Variants in PALMD observed in about 807,000 individuals in gnomAD.
PALMD encodes the protein palmdelphin, also known as paralemmin-like protein.
In PALMD, 42 loss-of-function variants were observed where a neutral mutation model predicts 56.2. The observed-to-expected ratio is 0.75, with a 90% confidence interval of 0.58 to 0.97. The LOEUF (loss-of-function observed/expected upper bound fraction) is 0.97, where lower values mean the gene tolerates loss of function less well. PALMD is among the 50% of genes least tolerant of loss of function. PALMD has a pLI of 0.00. For synonymous variants in PALMD, 242 were observed against 222.9 expected, an observed-to-expected ratio of 1.09 and a Z score of -0.76; for missense variants, 660 against 643.8, an observed-to-expected ratio of 1.03 and a Z score of -0.27.
chr1:99,670,159 T>C (rs1413807994), intron 3 of PALMD, among the ~76,000 whole-genome samples: 6 of 152,184 alleles, frequency 3.9e-5, no homozygotes, highest in Admixed American at 6.5e-5. Context: ...TCCTTCTATG[T>C]CCCCCTATTC....
At chr1:99,647,998 TA>T (rs890444361) in intron 1 of PALMD, among the ~76,000 whole-genome samples, 1 of 152,196 alleles carries the variant, frequency 6.6e-6, no homozygotes, top group Non-Finnish European at 1.5e-5. Flanking sequence ...AAAATCCTCA[TA>T]ATGTCTTAAA....
chr1:99,686,430 C>G (rs936836533), intron 3 of PALMD: 1 of 266,554 alleles, frequency 3.8e-6, no homozygotes, highest in Non-Finnish European at 7.0e-6. Flanking sequence ...AGGTCAAATG[C>G]TTTACCTAAT....
intron 3 of PALMD, among the ~76,000 whole-genome samples, chr1:99,675,471 T>C (rs771522483): frequency 6.6e-6 from 1 of 152,188 alleles, no homozygotes; most frequent in Non-Finnish European, 1.5e-5. Context: ...CAACAGTAGT[T>C]GATGGTCACT....
Position 99,686,763 on chromosome 1 carries a change from T to G in PALMD, c.339T>G (p.Ile113Met). 1.3e-6 allele frequency: 2 copies of G among 1,598,600 alleles called. No individual in the cohort carries two copies. Among genetic ancestry groups the G allele is most frequent in the African/African-American group, 2.7e-5 (2 of 74,628 alleles). ...EEAILKKLKS[I>M]ERTTEDIIRS... ...CCATTTTAAAGAAACTAAAGTCAAT[T>G]GAGCGGACAACAGAAGACATTATAA... The change falls in exon 4 of 8, where the codon ATT (isoleucine) becomes ATG (methionine). Residue 113 changes from isoleucine (I) to methionine (M), a missense_variant. By Grantham distance (10) the Ile-to-Met change is conservative (BLOSUM62 1). Coordinates refer to ENST00000263174, the MANE Select transcript of PALMD (RefSeq NM_017734.5).
chr1:99,667,663 TG>T lies in PALMD; in HGVS notation c.150del (p.Trp50CysfsTer3). 1 of 1,608,464 alleles carries T rather than the reference TG, an allele frequency of 6.2e-7. No individual in the cohort carries two copies. The highest frequency in any genetic ancestry group is 8.5e-7 in the Non-Finnish European group (1 of 1,175,054). The part of the protein sequence containing the change: ...HLKKKALREK[W>X]LLDGISSGKE... ...TCAGAAAAAGGCCTTGAGGGAGAAA[TG>T]GCTTCTAGATGGAATCAGCAGCGGA... On this transcript the variant is annotated frameshift_variant, in exon 3 of 8. Coordinates refer to ENST00000263174, the MANE Select transcript of PALMD (RefSeq NM_017734.5). LOFTEE classifies it high-confidence loss of function.
intron 1 of PALMD, among the ~76,000 whole-genome samples, chr1:99,655,497 C>T (rs1652701577): frequency 6.6e-6 from 1 of 152,130 alleles, no homozygotes; most frequent in African/African-American, 2.4e-5. Context: ...CACTCTACAA[C>T]TTTGCTAGGG....
At chr1:99,663,452 G>A (rs1331699774) in intron 2 of PALMD, among the ~76,000 whole-genome samples, 1 of 151,984 alleles carries the variant, frequency 6.6e-6, no homozygotes, top group African/African-American at 2.4e-5. Context: ...AAAGTTCCAA[G>A]TTGTTCCAGT....
In PALMD at chr1:99,689,299, CTAA is replaced by C; in HGVS notation, c.1041_1043del (p.Met348del). The C allele has an allele frequency of 1.9e-6, 3 of 1,613,554 alleles. No homozygotes were observed. Among genetic ancestry groups the C allele is most frequent in the Non-Finnish European group, 2.5e-6 (3 of 1,179,804 alleles). On this transcript the variant is annotated inframe_deletion, in exon 7 of 8. Coordinates refer to ENST00000263174, the MANE Select transcript of PALMD (RefSeq NM_017734.5). ...GAAGCTTCACACCCCGCAAAAAAGG[CTAA>C]TGACTCCTTGGGAAGAATCGAATGT... is the stretch of plus-strand genomic sequence containing the variant.
intron 1 of PALMD, among the ~76,000 whole-genome samples, chr1:99,654,037 G>A (rs1199370526): frequency 6.6e-6 from 1 of 151,666 alleles, no homozygotes; most frequent in African/African-American, 2.4e-5. Flanking sequence ...TGATATATTT[G>A]GAAAGCAATA....
At chr1:99,674,369 G>A (rs1653158075) in intron 3 of PALMD, among the ~76,000 whole-genome samples, 1 of 152,088 alleles carries the variant, frequency 6.6e-6, no homozygotes, top group Non-Finnish European at 1.5e-5. Context: ...TTCTGAGAAT[G>A]ACAATTCTCT....
chr1:99,677,424 T>G (rs1226240845), intron 3 of PALMD, among the ~76,000 whole-genome samples: 1 of 151,964 alleles, frequency 6.6e-6, no homozygotes, highest in East Asian at 1.9e-4. Flanking sequence ...CTGGTAGACA[T>G]TCAAGCAGAG....
chr1:99,650,586 C>G (rs1033964489), intron 1 of PALMD, among the ~76,000 whole-genome samples: 4 of 152,198 alleles, frequency 2.6e-5, no homozygotes, highest in Admixed American at 2.6e-4. Context: ...CTGGGCTCTT[C>G]TAACAGTCAG....
chr1:99,663,050 C>T (rs533512275), intron 2 of PALMD, among the ~76,000 whole-genome samples: 140 of 152,234 alleles, frequency 9.2e-4, no homozygotes, highest in Non-Finnish European at 1.8e-3. Flanking sequence ...AACAGCAGCT[C>T]CTTGTGAAAA....
intron 3 of PALMD, among the ~76,000 whole-genome samples, chr1:99,672,925 C>T (rs959799594): frequency 1.3e-5 from 2 of 151,874 alleles, no homozygotes; most frequent in Non-Finnish European, 2.9e-5. Flanking sequence ...TTCATTTGTC[C>T]CCCAAATAGT....
Position 99,694,258 on chromosome 1 carries a change from A to G in PALMD, c.*196A>G. On this transcript the variant is annotated 3_prime_UTR_variant, in exon 8 of 8. Transcript: ENST00000263174. Reference sequence around the variant, plus strand: ...AAAAGCTGGGGAAAACAAATGTGTAACTTTTCCAGTTACTTGACACGATTC... The same window carrying G: ...AAAAGCTGGGGAAAACAAATGTGTAGCTTTTCCAGTTACTTGACACGATTC... 1 of 461,344 alleles carries G rather than the reference A, an allele frequency of 2.2e-6. No homozygotes were observed. Among genetic ancestry groups the G allele is most frequent in the Non-Finnish European group, 3.9e-6 (1 of 254,280 alleles). 28.6% of individuals were successfully genotyped at this position (461,344 alleles called of 1,614,324 possible).
intron 1 of PALMD, among the ~76,000 whole-genome samples, chr1:99,650,285 G>GAAAAAAAAAA (rs200081370): frequency 1.7e-5 from 2 of 116,994 alleles, no homozygotes; most frequent in African/African-American, 3.7e-5. Flanking sequence ...TGCTCATAAT[G>GAAAAAAAAAA]AAAAAAAAAA....
intron 1 of PALMD, among the ~76,000 whole-genome samples, chr1:99,648,576 A>G (rs74395375): frequency 0.055 from 8,431 of 152,104 alleles, 379 homozygotes; most frequent in African/African-American, 0.12. Flanking sequence ...CACTGAAATA[A>G]TTTTTTGTAT....
At chr1:99,663,105 G>A (rs1432270853) in intron 2 of PALMD, among the ~76,000 whole-genome samples, 1 of 152,140 alleles carries the variant, frequency 6.6e-6, no homozygotes, top group African/African-American at 2.4e-5. Context: ...GCTATCAATA[G>A]ATTTAATGAA....
chr1:99,669,220 T>C (rs1318885206), intron 3 of PALMD: 1 of 152,166 alleles, frequency 6.6e-6, no homozygotes, highest in Non-Finnish European at 1.5e-5. Context: ...AATAACTGAC[T>C]GTTCATCCTT....
Sources: allele counts gnomAD v4.1 joint callset (sites outside exome capture counted in the v4.1 genomes callset), GRCh38; gene constraint gnomAD v4.1.1; transcripts MANE v1.5; gene names NCBI Gene and HGNC (gene_info 2026-07-23, HGNC 2026-07-21).